P2RX3: variants seen among roughly 807,000 people sequenced by gnomAD.
P2RX3 encodes the protein P2X purinoceptor 3.
Under a neutral mutation model 51.5 loss-of-function variants are expected in P2RX3, and 41 were observed. The ratio of observed to expected loss-of-function variants is 0.80; its 90% CI spans 0.62 to 1.03. The LOEUF is 1.03. P2RX3 is among the 50% of genes least tolerant of loss of function. The pLI, the probability that P2RX3 is intolerant of heterozygous loss-of-function variation, is 0.00. For missense variants in P2RX3, 459 were observed against 522.1 expected (o/e 0.88, Z 1.18); for synonymous variants, 185 against 191.6 (o/e 0.97, Z 0.29).
In P2RX3 at chr11:57,371,879, C is replaced by T. The variant is rs1856892242; in HGVS notation, c.*1882C>T. 6.6e-6 allele frequency among the ~76,000 whole-genome samples: 1 copy of T among 152,170 alleles called. No individual in the cohort carries two copies. Among genetic ancestry groups the T allele is most frequent in the Non-Finnish European group, 1.5e-5 (1 of 68,016 alleles). The stretch of plus-strand genomic sequence containing the variant: ...ATGGGGAGATGGAGGCAGTGGTGTC[C>T]TGAAGGGACCCTCCCCCCCAACCCC... On this transcript the variant is annotated 3_prime_UTR_variant, in exon 12 of 12. Transcript: ENST00000263314.
intron 8 of P2RX3, among the ~76,000 whole-genome samples, chr11:57,366,286 C>T (rs900988995): frequency 2.0e-5 from 3 of 152,162 alleles, no homozygotes; most frequent in African/African-American, 4.8e-5. Flanking sequence ...TCACTAACTG[C>T]GAAACCACAG....
intron 4 of P2RX3, 148 bp downstream of exon 4, chr11:57,347,626 G>A: frequency 1.1e-6 from 1 of 891,836 alleles, no homozygotes; most frequent in Admixed American, 2.1e-5. Context: ...CACACCCAGT[G>A]GGTGCTACAA....
chr11:57,361,513 A>G (rs924478315), intron 8 of P2RX3, among the ~76,000 whole-genome samples: 3 of 152,028 alleles, frequency 2.0e-5, no homozygotes, highest in Non-Finnish European at 4.4e-5. Flanking sequence ...CTCATTGTTC[A>G]GCTCCCACTT....
At chr11:57,347,907 C>G (rs1856470713) in intron 4 of P2RX3, among the ~76,000 whole-genome samples, 2 of 152,158 alleles carry the variant, frequency 1.3e-5, no homozygotes, top group South Asian at 2.1e-4. Context: ...AGCACAGACT[C>G]AGAGGCAAGG....
chr11:57,362,898 TATC>T (rs1856742802), intron 8 of P2RX3, among the ~76,000 whole-genome samples: 1 of 152,204 alleles, frequency 6.6e-6, no homozygotes, highest in African/African-American at 2.4e-5. Context: ...TTATTACTAA[TATC>T]ATTATCTACA....
At chr11:57,336,671 A>T (rs1181175014), upstream of P2RX3, among the ~76,000 whole-genome samples, 1 of 152,192 alleles carries the variant, frequency 6.6e-6, no homozygotes, top group African/African-American at 2.4e-5. Context: ...CCTCCTTAAC[A>T]CCACCAGTCC....
chr11:57,337,289 C>CAAAAAAAAAAAAAAAAAAAAAA (rs36169095), upstream of P2RX3, among the ~76,000 whole-genome samples: 2 of 26,770 alleles, frequency 7.5e-5, no homozygotes, highest in Admixed American at 4.4e-4. Context: ...GAGACTCTGT[C>CAAAAAAAAAAAAAAAAAAAAAA]AAAAAAAAAA....
chr11:57,351,188 T>C (rs1217790100), intron 8 of P2RX3, among the ~76,000 whole-genome samples: 1 of 152,200 alleles, frequency 6.6e-6, no homozygotes, highest in African/African-American at 2.4e-5. Flanking sequence ...GTTCTGCGAT[T>C]CTTTGCCTGT....
At chr11:57,367,119 G>A (rs1464920334) in intron 8 of P2RX3, among the ~76,000 whole-genome samples, 1 of 152,096 alleles carries the variant, frequency 6.6e-6, no homozygotes, top group East Asian at 1.9e-4. Flanking sequence ...TTTCCTGAGT[G>A]CTTAATGTAT....
At position 57,370,205 on chromosome 11, in the gene P2RX3, T is replaced by G. The variant is rs1186389769; in HGVS notation, c.*208T>G. The G allele has an allele frequency of 9.1e-6, 5 of 549,386 alleles. No individual in the cohort carries two copies. The highest frequency in any genetic ancestry group is 1.6e-5 in the Non-Finnish European group (5 of 308,112). The allele number at this position is 549,386 out of a possible 1,614,324, so 34.0% of individuals were successfully genotyped here. A position where few individuals can be genotyped will look rare whatever the true frequency, so the allele number is the denominator to read the frequency against. ...AGACCCCAATCTCACCTTCACTCCT[T>G]GCCTGGCCCCATCTGCTTCCTAGGA... On this transcript the variant is annotated 3_prime_UTR_variant, in exon 12 of 12. Transcript: ENST00000263314.
intron 8 of P2RX3, among the ~76,000 whole-genome samples, chr11:57,360,656 A>G (rs964548610): frequency 2.0e-5 from 3 of 151,852 alleles, no homozygotes; most frequent in Non-Finnish European, 2.9e-5. Flanking sequence ...TTAGCTGGGC[A>G]TGGTGGTGCA....
chr11:57,337,813 A>G (rs1295398387), upstream of P2RX3, among the ~76,000 whole-genome samples: 1 of 152,286 alleles, frequency 6.6e-6, no homozygotes, highest in Non-Finnish European at 1.5e-5. Context: ...CAGGTTTACC[A>G]TAGAACTTAG....
chr11:57,346,988 G>C (rs1286232523), intron 2 of P2RX3, 128 bp from the exon 3 acceptor site: 3 of 1,020,204 alleles, frequency 2.9e-6, no homozygotes, highest in Non-Finnish European at 3.0e-6. Flanking sequence ...CCAGCCCTGT[G>C]ACCTTGGCCA....
In P2RX3 at chr11:57,371,709, G is replaced by A. The variant is rs1373161423; in HGVS notation, c.*1712G>A. Among the ~76,000 whole-genome samples, 1 of 152,204 alleles carries A rather than the reference G, an allele frequency of 6.6e-6. No homozygotes were observed. ...CTCCCCAGGGTCAGCCTTGGGAATTGGGCAGTGCCTGGAGATCTGACCAGA... is the reference window on the plus strand; with the variant it reads ...CTCCCCAGGGTCAGCCTTGGGAATTAGGCAGTGCCTGGAGATCTGACCAGA... On this transcript the variant is annotated 3_prime_UTR_variant, in exon 12 of 12. Coordinates refer to ENST00000263314, the MANE Select transcript of P2RX3 (RefSeq NM_002559.5).
rs746003263 is a variant in P2RX3 at position 57,350,913 on chromosome 11, C to G, written c.842+15C>G. 2 of 1,613,960 alleles carry G rather than the reference C, an allele frequency of 1.2e-6. No homozygotes were observed. The highest frequency in any genetic ancestry group is 1.7e-6 in the Non-Finnish European group (2 of 1,180,012). On this transcript the variant is annotated intron_variant, in intron 8 of 11. Coordinates refer to ENST00000263314, the MANE Select transcript of P2RX3 (RefSeq NM_002559.5). ...TACAACTTCAGGTAATTCCCTGTCT[C>G]CTGGGACACCAGGAGAAGAAGGTGC...
intron 8 of P2RX3, among the ~76,000 whole-genome samples, chr11:57,352,640 GC>G: frequency 6.6e-6 from 1 of 152,310 alleles, no homozygotes; most frequent in South Asian, 2.1e-4. Context: ...TTTTAGAACA[GC>G]ATCTCTCATC....
chr11:57,350,045 T>G, intron 7 of P2RX3, 147 bp downstream of exon 7: 1 of 1,291,230 alleles, frequency 7.7e-7, no homozygotes, highest in Non-Finnish European at 1.1e-6. Context: ...ACTGGCTTTG[T>G]GCCTGAATCC....
rs1355463796 is a variant in P2RX3, at chr11:57,371,008, C to T, written c.*1011C>T. ...GGGTCTTAATAAGGTGCCCCATTTTCTAAGGTTAGAAGCTAAAGGGGCCTT... is the reference window on the plus strand; with the variant it reads ...GGGTCTTAATAAGGTGCCCCATTTTTTAAGGTTAGAAGCTAAAGGGGCCTT... On this transcript the variant is annotated 3_prime_UTR_variant, in exon 12 of 12. Coordinates refer to ENST00000263314, the MANE Select transcript of P2RX3 (RefSeq NM_002559.5). Among the ~76,000 whole-genome samples, 3 of 152,216 alleles carry T rather than the reference C, an allele frequency of 2.0e-5. No individual in the cohort carries two copies. The highest frequency in any genetic ancestry group is 7.2e-5 in the African/African-American group (3 of 41,458).
intron 8 of P2RX3, among the ~76,000 whole-genome samples, chr11:57,355,569 A>G (rs1206760398): frequency 6.6e-6 from 1 of 152,032 alleles, no homozygotes; most frequent in African/African-American, 2.4e-5. Flanking sequence ...TCGAACTCCT[A>G]ACTTCAAGTA....
Sources: allele counts gnomAD v4.1 joint callset (sites outside exome capture counted in the v4.1 genomes callset), GRCh38; gene constraint gnomAD v4.1.1; transcripts MANE v1.5; gene names NCBI Gene and HGNC (gene_info 2026-07-23, HGNC 2026-07-21).